ASAP1: variants seen among roughly 807,000 people sequenced by gnomAD.
ASAP1 encodes the protein ArfGAP with SH3 domain, ankyrin repeat and PH domain 1, also known as arf-GAP with SH3 domain, ANK repeat and PH domain-containing protein 1.
Under a neutral mutation model 145.2 loss-of-function variants are expected in ASAP1, and 43 were observed. The ratio of observed to expected loss-of-function variants is 0.30; its 90% CI spans 0.23 to 0.38. The LOEUF (loss-of-function observed/expected upper bound fraction) is 0.38. ASAP1 is among the 10% of genes least tolerant of loss of function. The pLI, the probability that ASAP1 is intolerant of heterozygous loss-of-function variation, is 1.00. For missense variants in ASAP1, 1,018 were observed against 1,355.3 expected, an observed-to-expected ratio of 0.75 and a Z score of 3.91; for synonymous variants, 546 against 515.5, an observed-to-expected ratio of 1.06 and a Z score of -0.80.
At chr8:130,292,639 C>T (rs1341703881) in intron 3 of ASAP1, among the ~76,000 whole-genome samples, 2 of 152,160 alleles carry the variant, frequency 1.3e-5, no homozygotes, top group African/African-American at 2.4e-5. Context: ...AATTGTCTCA[C>T]GTTCCCTGTT....
chr8:130,072,520 A>C (rs565427095), intron 27 of ASAP1, among the ~76,000 whole-genome samples: 8 of 138,280 alleles, frequency 5.8e-5, no homozygotes, highest in Non-Finnish European at 1.3e-4. Context: ...GAGTCCATTA[A>C]ACTTCTTTTT....
rs559889858 is a variant in ASAP1, at chr8:130,092,156, T to C, written c.2402-13A>G. 2.5e-5 allele frequency: 39 copies of C among 1,563,838 alleles called. No homozygotes were observed. The highest frequency in any genetic ancestry group is 7.1e-5 in the South Asian group (6 of 84,112). ...GGGCCAGTTGGACCTAGAAAGGAAA[T>C]TGAATGGGGGCAGGAAGATTAATCC... On this transcript the variant is annotated splice_polypyrimidine_tract_variant and intron_variant, in intron 24 of 29. Coordinates refer to ENST00000518721, the MANE Select transcript of ASAP1 (RefSeq NM_018482.4).
At chr8:130,101,049 A>T (rs1338703427) in intron 24 of ASAP1, among the ~76,000 whole-genome samples, 1 of 152,148 alleles carries the variant, frequency 6.6e-6, no homozygotes, top group Admixed American at 6.5e-5. Context: ...CCTTTCCCCA[A>T]TGTATGTTCT....
At chr8:130,258,442 C>T (rs368796486) in intron 3 of ASAP1, among the ~76,000 whole-genome samples, 2 of 152,318 alleles carry the variant, frequency 1.3e-5, no homozygotes, top group African/African-American at 4.8e-5. Context: ...CACTAAACTT[C>T]CTCCACCCTT....
intron 5 of ASAP1, among the ~76,000 whole-genome samples, chr8:130,188,965 T>A (rs949259828): frequency 1.3e-5 from 2 of 152,190 alleles, no homozygotes; most frequent in Non-Finnish European, 2.9e-5. Flanking sequence ...CATTTTTTTA[T>A]AGCATGTATC....
chr8:130,133,657 C>G (rs1264917272), intron 15 of ASAP1, among the ~76,000 whole-genome samples: 2 of 147,868 alleles, frequency 1.4e-5, no homozygotes, highest in African/African-American at 5.0e-5. Context: ...AGCGAGACTC[C>G]GTCTCAAAAA....
chr8:130,373,429 A>G (rs555680423), intron 2 of ASAP1, among the ~76,000 whole-genome samples: 1 of 152,370 alleles, frequency 6.6e-6, no homozygotes, highest in Admixed American at 6.5e-5. Context: ...AGGAAAATGT[A>G]CCACCACAAA....
chr8:130,067,053 C>G (rs1438968328), intron 27 of ASAP1, among the ~76,000 whole-genome samples: 4 of 152,200 alleles, frequency 2.6e-5, no homozygotes, highest in Non-Finnish European at 5.9e-5. Flanking sequence ...TCCCTCTAAT[C>G]TGCATTTTCC....
chr8:130,238,961 T>G (rs1160955702), intron 3 of ASAP1, among the ~76,000 whole-genome samples: 1 of 152,168 alleles, frequency 6.6e-6, no homozygotes, highest in Admixed American at 6.6e-5. Flanking sequence ...ACTGCCTACC[T>G]GTACTTCTGT....
At chr8:130,196,585 C>T (rs1341442356) in intron 5 of ASAP1, among the ~76,000 whole-genome samples, 1 of 152,226 alleles carries the variant, frequency 6.6e-6, no homozygotes, top group African/African-American at 2.4e-5. Context: ...ACAAATGGTA[C>T]TTCCAGGACA....
intron 3 of ASAP1, among the ~76,000 whole-genome samples, chr8:130,246,007 G>A (rs375195650): frequency 2.6e-5 from 4 of 152,016 alleles, no homozygotes; most frequent in East Asian, 1.9e-4. Flanking sequence ...GTCACATCAC[G>A]TATCAATAAT....
Position 130,092,110 on chromosome 8 carries a change from CT to C in ASAP1, c.2434del (p.Ser812AlafsTer92). On this transcript the variant is annotated frameshift_variant, in exon 25 of 30. Transcript: ENST00000518721. LOFTEE classifies it high-confidence loss of function. Reference sequence around the variant, plus strand: ...GGAGCTGCCACTAGAGGTCTGGGTGCTTAGAGGGAGTGTTGAAGGTGGGCCA... The same window carrying C: ...GGAGCTGCCACTAGAGGTCTGGGTGCTAGAGGGAGTGTTGAAGGTGGGCCA... ...PTGPPSTLPL[S>X]TQTSSGSSTL... The C allele has an allele frequency of 6.4e-7, 1 of 1,567,648 alleles. No homozygotes were observed. The highest frequency in any genetic ancestry group is 8.6e-7 in the Non-Finnish European group (1 of 1,163,520).
At chr8:130,089,112 G>T (rs1357897035) in intron 25 of ASAP1, among the ~76,000 whole-genome samples, 1 of 152,136 alleles carries the variant, frequency 6.6e-6, no homozygotes, top group African/African-American at 2.4e-5. Context: ...CTACACCAGT[G>T]GGGACAAAAG....
intron 3 of ASAP1, among the ~76,000 whole-genome samples, chr8:130,337,948 A>G (rs963840341): frequency 1.3e-5 from 2 of 152,234 alleles, no homozygotes; most frequent in East Asian, 1.9e-4. Context: ...ACCAATGTGG[A>G]GTGTAAGATG....
intron 7 of ASAP1, 97 bp downstream of exon 7, chr8:130,187,139 G>C: frequency 2.0e-6 from 2 of 1,018,256 alleles, no homozygotes; most frequent in Non-Finnish European, 1.4e-6. Context: ...TTAGTTAAGG[G>C]CTCTGTCCTT....
intron 2 of ASAP1, among the ~76,000 whole-genome samples, chr8:130,394,079 T>C (rs1422097036): frequency 1.3e-5 from 2 of 152,166 alleles, no homozygotes; most frequent in South Asian, 2.1e-4. Flanking sequence ...TTGTAGAGCA[T>C]GTGTGTTTGA....
chr8:130,074,486 C>CAG (rs1554816937), intron 27 of ASAP1, among the ~76,000 whole-genome samples: 20,091 of 140,186 alleles, frequency 0.14, 2,136 homozygotes, highest in Admixed American at 0.26. Flanking sequence ...CACACACACA[C>CAG]AGAGAGAACG....
intron 3 of ASAP1, among the ~76,000 whole-genome samples, chr8:130,310,386 AACC>A (rs1823267837): frequency 6.6e-6 from 1 of 152,170 alleles, no homozygotes; most frequent in Admixed American, 6.5e-5. Flanking sequence ...AACAGCATAA[AACC>A]ACCTATCAAC....
chr8:130,314,120 A>G (rs1823526150), intron 3 of ASAP1, among the ~76,000 whole-genome samples: 1 of 152,232 alleles, frequency 6.6e-6, no homozygotes, highest in South Asian at 2.1e-4. Flanking sequence ...CATTTTTAAG[A>G]AAACAATCAT....
Sources: allele counts gnomAD v4.1 joint callset (sites outside exome capture counted in the v4.1 genomes callset), GRCh38; gene constraint gnomAD v4.1.1; transcripts MANE v1.5; gene names NCBI Gene and HGNC (gene_info 2026-07-23, HGNC 2026-07-21).